The following DOCK2 variants were observed in gnomAD, a reference collection of about 807,000 sequenced individuals.
DOCK2 encodes dedicator of cytokinesis 2.
DOCK2 carries 87 observed loss-of-function variants against 248.9 expected under a neutral mutation model. The observed-to-expected ratio is 0.35, with a 90% CI of 0.29 to 0.42. The LOEUF (loss-of-function observed/expected upper bound fraction) is 0.42. Among genes scored for constraint, DOCK2 ranks in the 10% least tolerant of loss-of-function variants. The pLI is 1.00. For missense variants in DOCK2, 1,747 were observed against 2,300.2 expected, an observed-to-expected ratio of 0.76 and a Z score of 4.92; for synonymous variants, 805 against 821.6, an observed-to-expected ratio of 0.98 and a Z score of 0.35.
At chr5:169,715,777 C>A (rs1264786033) in intron 19 of DOCK2, among the ~76,000 whole-genome samples, 1 of 152,062 alleles carries the variant, frequency 6.6e-6, no homozygotes, top group Admixed American at 6.6e-5. Context: ...CCTCATACCC[C>A]TTCTCAGCCA....
intron 27 of DOCK2, among the ~76,000 whole-genome samples, chr5:169,898,510 C>A (rs1336005360): frequency 6.6e-6 from 1 of 151,514 alleles, no homozygotes; most frequent in East Asian, 1.9e-4. Context: ...GTATCCTCTA[C>A]ATGCACACAC....
intron 32 of DOCK2, among the ~76,000 whole-genome samples, chr5:170,014,657 G>C (rs1755444561): frequency 8.2e-6 from 1 of 121,502 alleles, no homozygotes; most frequent in African/African-American, 3.5e-5. Context: ...AGACTATGGA[G>C]GGGGGGTCCA....
At chr5:169,770,932 CTTG>C (rs1412840614) in intron 25 of DOCK2, among the ~76,000 whole-genome samples, 42 of 152,278 alleles carry the variant, frequency 2.8e-4, no homozygotes, top group Admixed American at 2.2e-3. Flanking sequence ...GTACATGTCT[CTTG>C]TTGTAAATGT....
chr5:169,694,097 G>A (rs901923845), intron 9 of DOCK2, among the ~76,000 whole-genome samples: 3 of 152,202 alleles, frequency 2.0e-5, no homozygotes, highest in African/African-American at 7.2e-5. Context: ...GGACCACACT[G>A]GGGCCTTGCC....
At chr5:169,686,943 G>C (rs1264127133) in intron 8 of DOCK2, among the ~76,000 whole-genome samples, 1 of 152,162 alleles carries the variant, frequency 6.6e-6, no homozygotes, top group Admixed American at 6.5e-5. Context: ...CTCTGAGTAG[G>C]TTGTCATTTG....
intron 26 of DOCK2, among the ~76,000 whole-genome samples, chr5:169,836,976 C>G (rs1769621198): frequency 1.3e-5 from 2 of 152,144 alleles, no homozygotes; most frequent in Non-Finnish European, 2.9e-5. Context: ...TTTTGCACTG[C>G]ATTCTGAAAA....
At chr5:169,816,801 G>A (rs1219360950) in intron 26 of DOCK2, among the ~76,000 whole-genome samples, 2 of 152,036 alleles carry the variant, frequency 1.3e-5, no homozygotes, top group Non-Finnish European at 2.9e-5. Flanking sequence ...GGGTATCCAT[G>A]TCCTCAAGCA....
rs772905218 is a variant in DOCK2, at chr5:169,674,257, CT to C, written c.322-37del. 3.7e-6 allele frequency: 6 copies of C among 1,610,344 alleles called. No individual in the cohort carries two copies. In the Admixed American group the frequency reaches 8.4e-5, roughly 22 times the overall value. ...GCCTGCCAAATAGATGGTCATGCCC[CT>C]TTAACACAGGTAATTATGGGTTGTT... On this transcript the variant is annotated intron_variant, in intron 5 of 51. Coordinates refer to ENST00000520908, the MANE Select transcript of DOCK2 (RefSeq NM_004946.3).
At chr5:169,745,094 A>G (rs943706512) in intron 22 of DOCK2, among the ~76,000 whole-genome samples, 5 of 152,220 alleles carry the variant, frequency 3.3e-5, no homozygotes, top group African/African-American at 1.2e-4. Flanking sequence ...AGAGTAACAG[A>G]CTTCAAGGCA....
intron 1 of DOCK2, among the ~76,000 whole-genome samples, chr5:169,653,393 A>T (rs1252957971): frequency 6.6e-6 from 1 of 152,184 alleles, no homozygotes; most frequent in Non-Finnish European, 1.5e-5. Flanking sequence ...ACGGATTCAG[A>T]GGGAAAGTGA....
chr5:169,743,730 C>T (rs1763453913), intron 22 of DOCK2, among the ~76,000 whole-genome samples: 1 of 151,454 alleles, frequency 6.6e-6, no homozygotes. Context: ...TTCTTCTTCC[C>T]AGCTGTAGTC....
chr5:169,819,629 C>T (rs1033014244), intron 26 of DOCK2, among the ~76,000 whole-genome samples: 7 of 152,042 alleles, frequency 4.6e-5, no homozygotes, highest in African/African-American at 1.7e-4. Context: ...TCGAAAAAAA[C>T]AAAACAGATT....
intron 7 of DOCK2, 145 bp downstream of exon 7, chr5:169,682,024 T>C: frequency 8.5e-7 from 1 of 1,178,336 alleles, no homozygotes; most frequent in Non-Finnish European, 1.1e-6. Flanking sequence ...CACATGTGTT[T>C]AACTGTGGTT....
chr5:169,809,591 C>T (rs1322861775), intron 26 of DOCK2, among the ~76,000 whole-genome samples: 1 of 152,214 alleles, frequency 6.6e-6, no homozygotes, highest in Non-Finnish European at 1.5e-5. Flanking sequence ...GTTACTCTCT[C>T]CTGTGTAACA....
chr5:170,039,675 C>T (rs1756448505), intron 36 of DOCK2, among the ~76,000 whole-genome samples: 1 of 152,230 alleles, frequency 6.6e-6, no homozygotes, highest in South Asian at 2.1e-4. Flanking sequence ...GGCAGGAACA[C>T]TGAACATTCA....
intron 27 of DOCK2, among the ~76,000 whole-genome samples, chr5:169,898,309 T>C (rs1229465625): frequency 1.3e-5 from 2 of 152,164 alleles, no homozygotes; most frequent in African/African-American, 4.8e-5. Flanking sequence ...CTCAGCACCA[T>C]GTGATTGGTG....
chr5:169,903,556 A>C (rs1426496714), intron 27 of DOCK2, among the ~76,000 whole-genome samples: 1 of 151,910 alleles, frequency 6.6e-6, no homozygotes, highest in Non-Finnish European at 1.5e-5. Context: ...TCGGGTGGGC[A>C]CAAGTGGGGA....
intron 27 of DOCK2, among the ~76,000 whole-genome samples, chr5:169,971,015 A>G (rs1250883181): frequency 6.6e-6 from 1 of 152,120 alleles, no homozygotes; most frequent in Non-Finnish European, 1.5e-5. Flanking sequence ...ACCTGCGTTC[A>G]TGCCAAGCTG....
chr5:169,667,771 CAG>C (rs766938329), intron 2 of DOCK2, among the ~76,000 whole-genome samples: 6 of 152,198 alleles, frequency 3.9e-5, no homozygotes, highest in African/African-American at 7.2e-5. Flanking sequence ...AAAATGTCAA[CAG>C]AGTTACCAGC....
Sources: gnomAD v4.1 joint callset for allele counts (sites outside exome capture counted in the v4.1 genomes callset) on GRCh38, gnomAD v4.1.1 for gene constraint, MANE v1.5 for transcripts, NCBI Gene and HGNC (gene_info 2026-07-23, HGNC 2026-07-21) for gene names.